TBCK: variants seen among roughly 807,000 people sequenced by gnomAD.
The protein encoded by TBCK is TBC1 domain containing kinase, also known as TBC domain-containing protein kinase-like protein.
Under a neutral mutation model 113.4 loss-of-function variants are expected in TBCK, and 99 were observed. The observed-to-expected ratio is 0.87, with a 90% CI of 0.74 to 1.03. TBCK has a LOEUF of 1.03. TBCK is among the 50% of genes least tolerant of loss of function. TBCK has a pLI of 0.00. For missense variants in TBCK, 1,045 were observed against 1,061.3 expected, an observed-to-expected ratio of 0.98 and a Z score of 0.21; for synonymous variants, 369 against 370.8, an observed-to-expected ratio of 1.00 and a Z score of 0.05.
intron 19 of TBCK, among the ~76,000 whole-genome samples, 192 bp downstream of exon 19, chr4:106,230,171 A>G (rs1383125611): frequency 1.3e-5 from 2 of 151,966 alleles, no homozygotes; most frequent in Non-Finnish European, 2.9e-5. Flanking sequence ...TCAAATATCC[A>G]TTAGAAAAAT....
intron 25 of TBCK, among the ~76,000 whole-genome samples, chr4:106,085,158 G>C (rs918283867): frequency 1.3e-5 from 2 of 152,146 alleles, no homozygotes; most frequent in African/African-American, 2.4e-5. Flanking sequence ...TGGCAAATTG[G>C]ATAAGGAGTC....
Position 106,125,346 on chromosome 4 carries a change from A to C in TBCK, c.2236-8968T>G, listed in dbSNP as rs192797820. Among the ~76,000 whole-genome samples, 23 of 152,306 alleles carry C rather than the reference A, an allele frequency of 1.5e-4. No individual in the cohort carries two copies. The East Asian group carries it at 4.4e-3, about 29-fold the overall frequency. On this transcript the variant is annotated intron_variant, in intron 23 of 25. Coordinates refer to ENST00000394708, the MANE Select transcript of TBCK (RefSeq NM_001163435.3). ...CTAAATGTCTATCAATGGATGAATA[A>C]AGAAAATATATATTTATTAATATAC... is the stretch of plus-strand genomic sequence containing the variant.
chr4:106,121,360 C>A, intron 23 of TBCK, among the ~76,000 whole-genome samples: 1 of 145,830 alleles, frequency 6.9e-6, no homozygotes, highest in Non-Finnish European at 1.5e-5. Flanking sequence ...ACAGGAGCAC[C>A]CAGATTCATA....
At chr4:106,172,380 C>T (rs546829257) in intron 22 of TBCK, among the ~76,000 whole-genome samples, 1 of 152,016 alleles carries the variant, frequency 6.6e-6, no homozygotes. Flanking sequence ...GGCCAACAGT[C>T]CTGATGAGAA....
intron 25 of TBCK, among the ~76,000 whole-genome samples, chr4:106,053,978 T>G (rs1384564548): frequency 6.6e-6 from 1 of 151,730 alleles, no homozygotes; most frequent in East Asian, 1.9e-4. Flanking sequence ...ATTTCTTACC[T>G]AGATTATTGT....
chr4:106,091,009 G>T (rs1044133004), intron 25 of TBCK, among the ~76,000 whole-genome samples: 1 of 151,928 alleles, frequency 6.6e-6, no homozygotes, highest in African/African-American at 2.4e-5. Context: ...ACATTTTCAG[G>T]TATTTAACAG....
intron 25 of TBCK, among the ~76,000 whole-genome samples, chr4:106,092,456 C>T (rs1159003958): frequency 6.6e-6 from 1 of 152,214 alleles, no homozygotes; most frequent in African/African-American, 2.4e-5. Flanking sequence ...GGGGGCAGCA[C>T]TCGTTGGGGA....
chr4:106,217,322 C>T (rs1263968948), intron 19 of TBCK, among the ~76,000 whole-genome samples: 2 of 152,114 alleles, frequency 1.3e-5, no homozygotes, highest in South Asian at 2.1e-4. Context: ...CAGGGATGAC[C>T]TCTCTCACCA....
intron 23 of TBCK, among the ~76,000 whole-genome samples, chr4:106,122,380 T>A (rs1744530974): frequency 6.6e-6 from 1 of 152,136 alleles, no homozygotes; most frequent in Non-Finnish European, 1.5e-5. Flanking sequence ...GTGGCAATAA[T>A]CAATAGTTTA....
At chr4:106,276,406 C>T (rs913365667) in intron 3 of TBCK, among the ~76,000 whole-genome samples, 4 of 152,174 alleles carry the variant, frequency 2.6e-5, no homozygotes, top group Non-Finnish European at 5.9e-5. Context: ...ACACATTAGA[C>T]TTGATCACAA....
chr4:106,261,472 G>A (rs1762500580), intron 4 of TBCK, among the ~76,000 whole-genome samples: 1 of 151,956 alleles, frequency 6.6e-6, no homozygotes, highest in African/African-American at 2.4e-5. Context: ...TAATGCCCAT[G>A]AAAAAATTTC....
chr4:106,209,116 T>C (rs1579245119), intron 20 of TBCK, among the ~76,000 whole-genome samples: 1 of 152,352 alleles, frequency 6.6e-6, no homozygotes, highest in East Asian at 1.9e-4. Flanking sequence ...AAAAATCCTC[T>C]GTCACTATAC....
chr4:106,147,961 G>A lies in TBCK; in HGVS notation c.2235+23134C>T, dbSNP rs982071845. ...GAAAGAGAACATGCGCCTGGGGGTGGGCCTCTGAACTGGCCCCCCTGGGCG... is the reference window on the plus strand; with the variant it reads ...GAAAGAGAACATGCGCCTGGGGGTGAGCCTCTGAACTGGCCCCCCTGGGCG... On this transcript the variant is annotated intron_variant, in intron 23 of 25. Transcript: ENST00000394708. 3.3e-5 allele frequency among the ~76,000 whole-genome samples: 5 copies of A among 152,254 alleles called. No individual in the cohort carries two copies. The East Asian group carries it at 7.8e-4, about 24-fold the overall frequency.
At position 106,142,599 on chromosome 4, in the gene TBCK, T is replaced by C. The variant is rs190507846; in HGVS notation, c.2236-26221A>G. Reference sequence around the variant, plus strand: ...CACTGAATCCTTTATATAACAACTGTGTCTGTTGTTGCTAGCCTTTCCGTA... The same window carrying C: ...CACTGAATCCTTTATATAACAACTGCGTCTGTTGTTGCTAGCCTTTCCGTA... On this transcript the variant is annotated intron_variant, in intron 23 of 25. Coordinates refer to ENST00000394708, the MANE Select transcript of TBCK (RefSeq NM_001163435.3). 5.8e-4 allele frequency among the ~76,000 whole-genome samples: 89 copies of C among 152,290 alleles called. 3 individuals carry two copies. Among genetic ancestry groups the C allele is most frequent in the Admixed American group, 1.7e-3 (26 of 15,292 alleles).
intron 25 of TBCK, among the ~76,000 whole-genome samples, chr4:106,090,803 G>T (rs6852388): frequency 0.4 from 60,381 of 151,794 alleles, 12,294 homozygotes; most frequent in South Asian, 0.47. Flanking sequence ...TTAACTCCAG[G>T]TCCCAATAAC....
At chr4:106,258,866 G>A (rs914463159) in intron 5 of TBCK, among the ~76,000 whole-genome samples, 7 of 151,668 alleles carry the variant, frequency 4.6e-5, no homozygotes, top group African/African-American at 1.5e-4. Flanking sequence ...TTTCATATTC[G>A]AAAGGGCTTT....
In TBCK at chr4:106,098,582, A is replaced by G. The variant is rs544016879; in HGVS notation, c.2412-2941T>C. Among the ~76,000 whole-genome samples, 3 of 152,220 alleles carry G rather than the reference A, an allele frequency of 2.0e-5. No individual in the cohort carries two copies. The East Asian group carries it at 5.8e-4, about 29-fold the overall frequency. On this transcript the variant is annotated intron_variant, in intron 24 of 25. Coordinates refer to ENST00000394708, the MANE Select transcript of TBCK (RefSeq NM_001163435.3). Reference sequence around the variant, plus strand: ...ACTTGAAAGCGTTAAAAGATAAAAAACATCATTACAGAAGTCAGCAGTAAT... The same window carrying G: ...ACTTGAAAGCGTTAAAAGATAAAAAGCATCATTACAGAAGTCAGCAGTAAT...
At chr4:106,167,041 A>C (rs985604077) in intron 23 of TBCK, among the ~76,000 whole-genome samples, 12 of 150,368 alleles carry the variant, frequency 8.0e-5, no homozygotes, top group Admixed American at 2.0e-4. Context: ...AAACAATTGG[A>C]AACATAATAA....
At chr4:106,200,879 G>T (rs1052972677) in intron 20 of TBCK, among the ~76,000 whole-genome samples, 1 of 151,968 alleles carries the variant, frequency 6.6e-6, no homozygotes, top group Non-Finnish European at 1.5e-5. Flanking sequence ...ATAGTCATGA[G>T]ATTATATATT....
Sources: allele counts gnomAD v4.1 joint callset (sites outside exome capture counted in the v4.1 genomes callset), GRCh38; gene constraint gnomAD v4.1.1; transcripts MANE v1.5; gene names NCBI Gene and HGNC (gene_info 2026-07-23, HGNC 2026-07-21).